The following NEK6 variants were observed in gnomAD, a reference collection of about 807,000 sequenced individuals.
NEK6 encodes the protein NIMA related kinase 6, also known as serine/threonine-protein kinase Nek6.
In NEK6, 27 loss-of-function variants were observed where a neutral mutation model predicts 43.5. The observed-to-expected ratio is 0.62, with a 90% CI of 0.46 to 0.86. NEK6 has a LOEUF of 0.86. Among genes scored for constraint, NEK6 ranks in the 40% least tolerant of loss-of-function variants. NEK6 has a pLI of 0.00. For synonymous variants in NEK6, 167 were observed against 164.1 expected (o/e 1.02, Z -0.14); for missense variants, 318 against 414.4 (o/e 0.77, Z 2.02).
intron 1 of NEK6, among the ~76,000 whole-genome samples, chr9:124,280,103 C>A (rs919919172): frequency 5.9e-5 from 9 of 152,280 alleles, no homozygotes; most frequent in African/African-American, 1.9e-4. Context: ...GCCTCTCTCA[C>A]TGACCAGCTT....
At chr9:124,337,765 G>A (rs753835947) in intron 7 of NEK6, among the ~76,000 whole-genome samples, 6 of 152,204 alleles carry the variant, frequency 3.9e-5, no homozygotes, top group African/African-American at 7.2e-5. Context: ...ACCTAGGAGC[G>A]GAATTGCTGG....
intron 9 of NEK6, among the ~76,000 whole-genome samples, chr9:124,349,033 A>G (rs896096215): frequency 6.6e-6 from 1 of 152,240 alleles, no homozygotes; most frequent in Admixed American, 6.5e-5. Flanking sequence ...GCCAAACTGC[A>G]CAGGGCAGGT....
chr9:124,293,750 T>C (rs1044782075), intron 1 of NEK6, among the ~76,000 whole-genome samples: 2 of 152,242 alleles, frequency 1.3e-5, no homozygotes, highest in African/African-American at 4.8e-5. Context: ...TGGGTGGCCC[T>C]CTTTTCACCG....
intron 1 of NEK6, among the ~76,000 whole-genome samples, chr9:124,268,951 G>A (rs768240447): frequency 5.3e-5 from 8 of 152,126 alleles, no homozygotes; most frequent in Non-Finnish European, 8.8e-5. Context: ...GAGGAGGCTC[G>A]GAGCAGAGTC....
At chr9:124,325,657 C>T (rs1251069561) in intron 5 of NEK6, among the ~76,000 whole-genome samples, 41 of 152,258 alleles carry the variant, frequency 2.7e-4, no homozygotes, top group Admixed American at 2.7e-3. Flanking sequence ...CCTTCTGTTA[C>T]TTACAGCTCA....
chr9:124,292,778 C>A, intron 1 of NEK6: 2 of 1,325,870 alleles, frequency 1.5e-6, no homozygotes, highest in Non-Finnish European at 2.0e-6. Flanking sequence ...CCCAGCCTCT[C>A]CTCTGCCAAC....
intron 8 of NEK6, among the ~76,000 whole-genome samples, chr9:124,342,991 T>A (rs1391645236): frequency 6.6e-6 from 1 of 152,012 alleles, no homozygotes; most frequent in Non-Finnish European, 1.5e-5. Context: ...CCTGCCTCAG[T>A]CTTTGTCTCG....
chr9:124,346,542 C>T (rs1167002974), intron 8 of NEK6, among the ~76,000 whole-genome samples: 1 of 152,168 alleles, frequency 6.6e-6, no homozygotes, highest in Non-Finnish European at 1.5e-5. Flanking sequence ...AGCAGGAGGG[C>T]ACTCGCCCGA....
rs1829778517 is a variant in NEK6, at chr9:124,343,813, C to A, written c.718-3896C>A. Among the ~76,000 whole-genome samples the A allele has an allele frequency of 1.3e-5, 2 of 152,178 alleles. No homozygotes were observed. Among genetic ancestry groups the A allele is most frequent in the African/African-American group, 4.8e-5 (2 of 41,448 alleles). ...TGGTGACAGACACAGCCGGAGAAAA[C>A]CTGCCCTTCCCCAAGCCCCAGCACA... On this transcript the variant is annotated intron_variant, in intron 8 of 9. Coordinates refer to ENST00000320246, the MANE Select transcript of NEK6 (RefSeq NM_014397.6). This position sits in a 1 kb window ranked among gnomAD's most constrained non-coding sequence, Gnocchi z 5.1.
chr9:124,310,013 A>G (rs1833450423), intron 2 of NEK6, among the ~76,000 whole-genome samples: 1 of 152,190 alleles, frequency 6.6e-6, no homozygotes, highest in Admixed American at 6.5e-5. Context: ...GACTGAAAGA[A>G]TGGAGGCTGG....
intron 7 of NEK6, among the ~76,000 whole-genome samples, chr9:124,327,652 C>A (rs568771357): frequency 6.6e-6 from 1 of 152,352 alleles, no homozygotes; most frequent in East Asian, 1.9e-4. Context: ...TTCCCACACC[C>A]CCTGATCACC....
At chr9:124,257,878 G>T (rs1235866101), upstream of NEK6, 3 of 1,014,588 alleles carry the variant, frequency 3.0e-6, no homozygotes, top group Non-Finnish European at 3.6e-6. Context: ...GCGGCAGCGC[G>T]CACGAGCGCT....
chr9:124,291,744 C>G (rs1052155391), intron 1 of NEK6: 30 of 871,994 alleles, frequency 3.4e-5, no homozygotes, highest in Non-Finnish European at 4.0e-5. Flanking sequence ...ACCCTTGTCC[C>G]TCCCTGAGCC....
intron 9 of NEK6, among the ~76,000 whole-genome samples, chr9:124,350,035 C>G (rs1830167180): frequency 6.6e-6 from 1 of 152,348 alleles, no homozygotes; most frequent in African/African-American, 2.4e-5. Flanking sequence ...CCCGTGGGCC[C>G]TTCCCAGTCC....
intron 1 of NEK6, among the ~76,000 whole-genome samples, chr9:124,264,137 C>T (rs1362687852): frequency 6.6e-6 from 1 of 152,192 alleles, no homozygotes; most frequent in Non-Finnish European, 1.5e-5. Flanking sequence ...CATTTTATGC[C>T]CCCGCCCCCC....
chr9:124,327,361 A>T lies in NEK6; in HGVS notation c.538A>T (p.Ile180Phe). 1.2e-6 allele frequency: 2 copies of T among 1,613,862 alleles called. No individual in the cohort carries two copies. The highest frequency in any genetic ancestry group is 2.2e-5 in the South Asian group (2 of 91,076). The change falls in exon 7 of 10, where the codon ATC becomes TTC. Residue 180 changes from isoleucine to phenylalanine, a missense_variant. Around this residue, in one of 2 missense-constraint regions of NEK6, gnomAD observed 239 missense variants for 344.4 expected, o/e 0.69. Coordinates refer to ENST00000320246, the MANE Select transcript of NEK6 (RefSeq NM_014397.6). ...AGACATCAAGCCTGCCAACGTGTTC[A>T]TCACAGCCACGGGCGTCGTGAAGCT... ...HRDIKPANVF[I>F]TATGVVKLGD...
chr9:124,320,344 G>A (rs1834005660), intron 4 of NEK6, among the ~76,000 whole-genome samples: 1 of 152,226 alleles, frequency 6.6e-6, no homozygotes, highest in African/African-American at 2.4e-5. Flanking sequence ...TGGGGGGCTG[G>A]CTTGGGGAAT....
At chr9:124,282,540 A>C (rs1831963369) in intron 1 of NEK6, among the ~76,000 whole-genome samples, 1 of 152,198 alleles carries the variant, frequency 6.6e-6, no homozygotes, top group African/African-American at 2.4e-5. Context: ...GCCTGCCCTC[A>C]TTCCCAGGAG....
At chr9:124,302,351 T>C (rs1180440915) in intron 2 of NEK6, among the ~76,000 whole-genome samples, 1 of 152,190 alleles carries the variant, frequency 6.6e-6, no homozygotes, top group Non-Finnish European at 1.5e-5. Flanking sequence ...TCAGCATGGT[T>C]GGAAGGGTAC....
Sources: allele counts gnomAD v4.1 joint callset (sites outside exome capture counted in the v4.1 genomes callset), GRCh38; gene constraint gnomAD v4.1.1; regional missense constraint gnomAD v4.1.1; non-coding constraint Gnocchi (gnomAD v3.1); transcripts MANE v1.5; gene names NCBI Gene and HGNC (gene_info 2026-07-23, HGNC 2026-07-21).